The following OR52I2 variants were observed in gnomAD, a reference collection of about 807,000 sequenced individuals.
OR52I2 encodes the protein olfactory receptor 52I2.
For missense variants in OR52I2, 350 were observed against 402.4 expected, an observed-to-expected ratio of 0.87 and a Z score of 1.11; for synonymous variants, 147 against 151.9, an observed-to-expected ratio of 0.97 and a Z score of 0.24.
At chr11:4,582,008 A>G (rs1025012199) in intron 1 of OR52I2, 144 bp downstream of exon 1, 1 of 152,250 alleles carries the variant, frequency 6.6e-6, no homozygotes, top group Admixed American at 6.5e-5. Flanking sequence ...GTCTGGTGGT[A>G]TATCTGCTAT....
exon 2 of OR52I2, chr11:4,588,838 T>A (rs1005245451): frequency 8.5e-5 from 13 of 152,252 alleles, no homozygotes; most frequent in African/African-American, 3.1e-4. Flanking sequence ...TTGTGACTTT[T>A]ATGAGCCTCA....
chr11:4,590,772 A>C (rs776523294), exon 2 of OR52I2: 1 of 151,818 alleles, frequency 6.6e-6, no homozygotes, highest in Non-Finnish European at 1.5e-5. Context: ...TTTTTCTTTC[A>C]CTCTTCACTA....
exon 2 of OR52I2, chr11:4,591,474 TCA>T (rs1846350130): frequency 6.6e-6 from 1 of 152,120 alleles, no homozygotes; most frequent in African/African-American, 2.4e-5. Flanking sequence ...TCAAAACAAA[TCA>T]CACAGTTGCT....
exon 2 of OR52I2, chr11:4,589,736 G>T (rs1031363706): frequency 6.6e-6 from 1 of 152,204 alleles, no homozygotes; most frequent in African/African-American, 2.4e-5. Flanking sequence ...TAGTAGGGCT[G>T]ATTGGGTGCA....
chr11:4,587,831 A>G lies in OR52I2; in HGVS notation c.941A>G (p.His314Arg), dbSNP rs757085164. The change falls in exon 2 of 2, where the codon CAT becomes CGT. Residue 314 changes from histidine (H) to arginine (R), a missense_variant. His to Arg is a conservative substitution (Grantham distance 29). Coordinates refer to ENST00000641896, the Ensembl canonical transcript of OR52I2. Reference sequence around the variant, plus strand: ...GAGAGAATATGGAGTTATCTGATGCATGTCCTCTTTGACCATTCCAACCTG... The same window carrying G: ...GAGAGAATATGGAGTTATCTGATGCGTGTCCTCTTTGACCATTCCAACCTG... The G allele has an allele frequency of 2.5e-6, 4 of 1,613,954 alleles. No homozygotes were observed. In the East Asian group the frequency reaches 6.7e-5, roughly 27 times the overall value.
intron 1 of OR52I2, among the ~76,000 whole-genome samples, chr11:4,584,002 T>C (rs907351652): frequency 5.3e-5 from 8 of 152,178 alleles, no homozygotes; most frequent in Admixed American, 3.9e-4. Context: ...ATTCTGAGCA[T>C]AGAATTCCAT....
chr11:4,586,755 T>C (rs1307431769), intron 1 of OR52I2, 117 bp from the exon 2 acceptor site: 1 of 1,467,076 alleles, frequency 6.8e-7, no homozygotes, highest in African/African-American at 1.4e-5. Flanking sequence ...AGATGCCACA[T>C]TTTTGATCCT....
intron 1 of OR52I2, among the ~76,000 whole-genome samples, chr11:4,585,717 C>A (rs1448845133): frequency 2.6e-5 from 4 of 152,186 alleles, no homozygotes; most frequent in African/African-American, 4.8e-5. Context: ...TCTTGACTAT[C>A]CATATTGGGC....
At chr11:4,582,926 G>T (rs1846270747) in intron 1 of OR52I2, among the ~76,000 whole-genome samples, 1 of 152,058 alleles carries the variant, frequency 6.6e-6, no homozygotes, top group African/African-American at 2.4e-5. Flanking sequence ...TCCTACATAG[G>T]TGTGTTCATG....
exon 2 of OR52I2, chr11:4,588,157 G>T (rs1407985991): frequency 5.6e-6 from 2 of 356,622 alleles, no homozygotes; most frequent in East Asian, 5.5e-5. Flanking sequence ...GCTGAGGAAG[G>T]CACAAAGCCT....
intron 1 of OR52I2, among the ~76,000 whole-genome samples, chr11:4,585,137 G>C (rs955465327): frequency 1.3e-5 from 2 of 152,218 alleles, no homozygotes; most frequent in African/African-American, 4.8e-5. Flanking sequence ...GCAAGTGATA[G>C]AGTGGATTTT....
At chr11:4,583,933 C>G (rs1406710529) in intron 1 of OR52I2, among the ~76,000 whole-genome samples, 2 of 152,202 alleles carry the variant, frequency 1.3e-5, no homozygotes, top group Admixed American at 1.3e-4. Flanking sequence ...GATTAAGAAC[C>G]TGGTAAATGT....
At chr11:4,586,874 A>T (rs1401737447) in exon 2 of OR52I2, 1 of 1,614,018 alleles carries the variant, frequency 6.2e-7, no homozygotes, top group Non-Finnish European at 8.5e-7. Flanking sequence ...ATTAACAGGA[A>T]AAAAGTCTCA....
intron 1 of OR52I2, among the ~76,000 whole-genome samples, chr11:4,586,627 A>T (rs1846303426): frequency 2.0e-5 from 3 of 152,160 alleles, no homozygotes; most frequent in Admixed American, 2.0e-4. Context: ...TGGGGAAGGA[A>T]GAAAGCAGAA....
chr11:4,584,128 C>A (rs1437371772), intron 1 of OR52I2, among the ~76,000 whole-genome samples: 1 of 152,142 alleles, frequency 6.6e-6, no homozygotes, highest in Non-Finnish European at 1.5e-5. Context: ...CTATGGAAAC[C>A]CTTTATTCAG....
At chr11:4,589,826 C>T (rs1465782009) in exon 2 of OR52I2, 1 of 152,118 alleles carries the variant, frequency 6.6e-6, no homozygotes, top group African/African-American at 2.4e-5. Context: ...AATGCATATG[C>T]CTTAGTTCTT....
chr11:4,589,484 G>A (rs909976922), exon 2 of OR52I2: 12 of 152,212 alleles, frequency 7.9e-5, no homozygotes, highest in Non-Finnish European at 1.2e-4. Context: ...GATGGAGTCT[G>A]AAGGCCAGAT....
chr11:4,592,622 T>C (rs768540243), exon 2 of OR52I2: 2 of 152,124 alleles, frequency 1.3e-5, no homozygotes, highest in Non-Finnish European at 2.9e-5. Context: ...CATATGAATA[T>C]GAAATCATGG....
At chr11:4,581,905 G>T (rs1404037079) in intron 1 of OR52I2, 41 bp downstream of exon 1, 2 of 152,262 alleles carry the variant, frequency 1.3e-5, no homozygotes, top group Non-Finnish European at 2.9e-5. Flanking sequence ...GGCTGATAGA[G>T]ATCGAATGTT....
Sources: allele counts gnomAD v4.1 joint callset (sites outside exome capture counted in the v4.1 genomes callset), GRCh38; gene constraint gnomAD v4.1.1; transcripts MANE v1.5; gene names NCBI Gene and HGNC (gene_info 2026-07-23, HGNC 2026-07-21).